Variants in PCDHA1 observed in about 807,000 individuals in gnomAD.
The protein encoded by PCDHA1 is protocadherin alpha-1.
A neutral mutation model predicts 61.3 loss-of-function variants in PCDHA1; 42 were observed. The observed-to-expected ratio is 0.69, with a 90% confidence interval of 0.54 to 0.89. PCDHA1 has a LOEUF of 0.89. PCDHA1 is among the 40% of genes least tolerant of loss of function. The probability of loss-of-function intolerance (pLI) is 0.00; values close to 1 mark genes in which losing one functional copy is unlikely to be tolerated. For synonymous variants in PCDHA1, 610 were observed against 553.8 expected (o/e 1.10, Z -1.43); for missense variants, 1,256 against 1,235.3 (o/e 1.02, Z -0.25).
intron 1 of PCDHA1, among the ~76,000 whole-genome samples, chr5:140,794,159 A>G (rs1295211901): frequency 2.0e-5 from 3 of 152,250 alleles, no homozygotes; most frequent in Non-Finnish European, 2.9e-5. Context: ...CGTGGTGTAT[A>G]CATATGTTGG....
At chr5:140,810,496 A>G (rs1258787751) in intron 1 of PCDHA1, 1 of 152,222 alleles carries the variant, frequency 6.6e-6, no homozygotes, top group Non-Finnish European at 1.5e-5. Context: ...TACATTTGTC[A>G]GGTTATTTTC....
intron 1 of PCDHA1, chr5:140,857,451 C>T (rs782451627): frequency 1.3e-6 from 2 of 1,598,488 alleles, no homozygotes; most frequent in Non-Finnish European, 1.7e-6. Flanking sequence ...GAGAACAACC[C>T]GCCAGGCTGC....
chr5:141,009,929 G>T lies in PCDHA1; in HGVS notation c.2845G>T (p.Asp949Tyr). Residue 949 changes from aspartate to tyrosine, a missense_variant, in exon 4 of 4, where the codon GAC becomes TAC. Transcript: ENST00000504120. Reference protein sequence around the residue: ...EKGNSTTDNSDQ With the variant: ...EKGNSTTDNSYQ ...AGGGAACAGCACGACTGACAACAGT[G>T]ACCAGTGAGGTCCTCAAATGGAAAC... 1 of 1,603,730 alleles carries T rather than the reference G, an allele frequency of 6.2e-7. No homozygotes were observed. The highest frequency in any genetic ancestry group is 1.1e-5 in the South Asian group (1 of 89,000).
chr5:140,967,555 C>T, intron 1 of PCDHA1: 4 of 1,614,008 alleles, frequency 2.5e-6, no homozygotes, highest in Non-Finnish European at 3.4e-6. Flanking sequence ...CCACTTATCG[C>T]GTCCAGCTAC....
intron 1 of PCDHA1, among the ~76,000 whole-genome samples, chr5:140,961,185 G>T (rs2095595656): frequency 6.6e-6 from 1 of 152,100 alleles, no homozygotes; most frequent in Non-Finnish European, 1.5e-5. Context: ...ACTCCTCACA[G>T]GACCCTAGTG....
rs2150224433 is a variant in PCDHA1 at position 140,834,693 on chromosome 5, A to G, written c.2394+46009A>G. 2.5e-6 allele frequency: 4 copies of G among 1,614,238 alleles called. No homozygotes were observed. In the Admixed American group the frequency reaches 6.7e-5, roughly 27 times the overall value. ...GTGCGGGCGGAGCGCGGAGTGCAGC[A>G]TCCACCTGGAGGTGATCGTGGAAAG... On this transcript the variant is annotated intron_variant, in intron 1 of 3. Coordinates refer to ENST00000504120, the MANE Select transcript of PCDHA1 (RefSeq NM_018900.4).
intron 1 of PCDHA1, chr5:140,869,708 G>C: frequency 9.3e-6 from 15 of 1,613,408 alleles, no homozygotes; most frequent in Non-Finnish European, 1.3e-5. Flanking sequence ...TCTCTGGATA[G>C]AGAGAAAACT....
chr5:140,787,953 G>A lies in PCDHA1; in HGVS notation c.1663G>A (p.Val555Met). 6.2e-7 allele frequency: 1 copy of A among 1,613,938 alleles called. No individual in the cohort carries two copies. The highest frequency in any genetic ancestry group is 1.3e-5 in the African/African-American group (1 of 75,062). The part of the protein sequence containing the change: ...LGSNVTLQVF[V>M]LDENDNAPAL... ...CAGCAACGTGACGCTGCAGGTGTTC[G>A]TGCTGGACGAGAACGACAACGCGCC... Residue 555 changes from valine to methionine, a missense_variant, in exon 1 of 4, where the codon GTG becomes ATG. Physicochemically the swap from Val to Met is conservative, Grantham distance 21 (BLOSUM62 1). Coordinates refer to ENST00000504120, the MANE Select transcript of PCDHA1 (RefSeq NM_018900.4).
intron 1 of PCDHA1, chr5:140,830,325 T>A: frequency 6.2e-7 from 1 of 1,613,570 alleles, no homozygotes. Context: ...TCCAGCGCAG[T>A]GGGGAGCTGG....
intron 1 of PCDHA1, among the ~76,000 whole-genome samples, chr5:140,900,291 T>C (rs1397328670): frequency 6.6e-6 from 1 of 151,992 alleles, no homozygotes; most frequent in East Asian, 2.0e-4. Flanking sequence ...TTCTTTTCTG[T>C]TTTTTTAGAC....
chr5:140,949,537 C>A (rs1359504503), intron 1 of PCDHA1, among the ~76,000 whole-genome samples: 1 of 151,692 alleles, frequency 6.6e-6, no homozygotes, highest in African/African-American at 2.4e-5. Flanking sequence ...CATAAAATAT[C>A]GATTTGTTGC....
rs2150161995 is a variant in PCDHA1 at position 140,829,027 on chromosome 5, A to G, written c.2394+40343A>G. ...TTCGGGGTAATTTGGATTTTGAACA[A>G]GAAAACTTATACAAAATCCTCATTG... On this transcript the variant is annotated intron_variant, in intron 1 of 3. Transcript: ENST00000504120. The G allele has an allele frequency of 2.5e-6, 4 of 1,613,610 alleles. No homozygotes were observed. The South Asian group carries it at 4.4e-5, about 18-fold the overall frequency.
At position 140,822,666 on chromosome 5, in the gene PCDHA1, T is replaced by C. The variant is rs1307479306; in HGVS notation, c.2394+33982T>C. On this transcript the variant is annotated intron_variant, in intron 1 of 3. Transcript: ENST00000504120. The stretch of plus-strand genomic sequence containing the variant: ...AGTCCAAATTTATAATTAATTCTAA[T>C]ACTGGTGAAATAAAAGTTAACGGGG... The C allele has an allele frequency of 3.7e-6, 6 of 1,608,450 alleles. No individual in the cohort carries two copies. In the Admixed American group the frequency reaches 1.0e-4, roughly 27 times the overall value.
At chr5:140,969,765 G>T (rs1445266469) in intron 1 of PCDHA1, among the ~76,000 whole-genome samples, 5 of 152,148 alleles carry the variant, frequency 3.3e-5, no homozygotes, top group Non-Finnish European at 7.3e-5. Flanking sequence ...AAGCTCTGAG[G>T]CCTCTAGGGG....
At chr5:140,996,926 T>C (rs569386997) in intron 3 of PCDHA1, among the ~76,000 whole-genome samples, 4 of 152,320 alleles carry the variant, frequency 2.6e-5, no homozygotes, top group Middle Eastern at 3.4e-3. Flanking sequence ...TTAAAAAATA[T>C]AGCATTTTTG....
At position 140,915,662 on chromosome 5, in the gene PCDHA1, G is replaced by T. The variant is rs75670796; in HGVS notation, c.2395-63287G>T. On this transcript the variant is annotated intron_variant, in intron 1 of 3. Transcript: ENST00000504120. ...TCTCTCTCTCTCTCTCTCTCAAGGT[G>T]CTGGGCCATCTTGAACTAGGGGTAT... is the stretch of plus-strand genomic sequence containing the variant. 8.2e-3 allele frequency among the ~76,000 whole-genome samples: 1,195 copies of T among 145,332 alleles called. 7 individuals are homozygous for T. Among genetic ancestry groups the T allele is most frequent in the African/African-American group, 0.02 (782 of 39,430 alleles).
At chr5:140,957,134 T>C (rs2095335911) in intron 1 of PCDHA1, among the ~76,000 whole-genome samples, 1 of 152,210 alleles carries the variant, frequency 6.6e-6, no homozygotes, top group Admixed American at 6.5e-5. Flanking sequence ...TACTACACTA[T>C]GAACTAAAAA....
intron 1 of PCDHA1, chr5:140,828,238 G>C (rs2150152865): frequency 6.2e-7 from 1 of 1,613,936 alleles, no homozygotes; most frequent in African/African-American, 1.3e-5. Flanking sequence ...GCCGGATCGC[G>C]CAGGACCTGG....
At position 140,850,458 on chromosome 5, in the gene PCDHA1, G is replaced by T. The variant is rs150924900; in HGVS notation, c.2394+61774G>T. 34 of 1,597,834 alleles carry T rather than the reference G, an allele frequency of 2.1e-5. 2 individuals carry two copies. In the African/African-American group the frequency reaches 4.4e-4, roughly 21 times the overall value. On this transcript the variant is annotated intron_variant, in intron 1 of 3. Transcript: ENST00000504120. ...CCTACTGGTGCTGGTGAAAGACCAC[G>T]GGGAGCCAGCGCTGACGGCCACGGC...
Sources: allele counts gnomAD v4.1 joint callset (sites outside exome capture counted in the v4.1 genomes callset), GRCh38; gene constraint gnomAD v4.1.1; transcripts MANE v1.5; gene names NCBI Gene and HGNC (gene_info 2026-07-23, HGNC 2026-07-21).